Variants in SLFN14 observed in about 807,000 individuals in gnomAD.
SLFN14 encodes the protein protein SLFN14.
SLFN14 carries 47 observed loss-of-function variants against 58.6 expected under a neutral mutation model. The observed-to-expected ratio is 0.80, with a 90% CI of 0.64 to 1.02. The LOEUF is 1.02. Ranked by LOEUF, SLFN14 falls within the 50% of genes least tolerant of loss-of-function variation. The probability of loss-of-function intolerance (pLI) is 0.00; values close to 1 mark genes in which losing one functional copy is unlikely to be tolerated. For synonymous variants in SLFN14, 390 were observed against 387.3 expected (o/e 1.01, Z -0.08); for missense variants, 967 against 1,078.4 (o/e 0.90, Z 1.45).
chr17:35,548,391 C>G lies in SLFN14; in HGVS notation c.2587G>C (p.Asp863His). Residue 863 changes from aspartate to histidine, a missense_variant, in exon 6 of 6, where the codon GAC becomes CAC. Asp to His is a moderately conservative substitution (Grantham distance 81). Coordinates refer to ENST00000674182, the MANE Select transcript of SLFN14 (RefSeq NM_001129820.2). ...TGVWGSHIVL[D>H]SIQQFSGLER... is the part of the protein sequence containing the mutation. ...AGGCCTGAAAATTGCTGAATACTGT[C>G]TAAAACAATGTGACTTCCCCAAACA... is the stretch of plus-strand genomic sequence containing the variant. The G allele has an allele frequency of 6.4e-7, 1 of 1,551,740 alleles. No homozygotes were observed. Among genetic ancestry groups the G allele is most frequent in the South Asian group, 1.2e-5 (1 of 84,048 alleles).
Position 35,557,850 on chromosome 17 carries a change from G to A in SLFN14, c.213C>T (p.Tyr71=). ...AATCCTGTCCCAGCCCATGGCATTG[G>A]TAACTATAGGTTTTATCATCAATCT... The part of the protein sequence containing the change: ...KAEIDDKTYS[Y]QCHGLGQDLE... The change falls in exon 3 of 6, where the codon TAC becomes TAT. Residue 71 remains tyrosine (Y), a synonymous_variant. Coordinates refer to ENST00000674182, the MANE Select transcript of SLFN14 (RefSeq NM_001129820.2). 6.4e-7 allele frequency: 1 copy of A among 1,551,668 alleles called. No individual in the cohort carries two copies. Among genetic ancestry groups the A allele is most frequent in the Non-Finnish European group, 8.7e-7 (1 of 1,146,982 alleles).
Position 35,549,023 on chromosome 17 carries a change from T to G in SLFN14, c.1955A>C (p.Glu652Ala), listed in dbSNP as rs1271600754. The change falls in exon 6 of 6, where the codon GAG (glutamate) becomes GCG (alanine). Residue 652 changes from glutamate (E) to alanine (A), a missense_variant. Glu to Ala is a moderately radical substitution (Grantham distance 107). Coordinates refer to ENST00000674182, the MANE Select transcript of SLFN14 (RefSeq NM_001129820.2). ...CACTATGTGTTTAATCTTTAGAAAC[T>G]CCCCTTGCATGAAAGTTTTCCTGGT... ...AVTRKTFMQG[E>A]FLKIKHIVMD... is the part of the protein sequence containing the mutation. The G allele has an allele frequency of 1.3e-6, 2 of 1,551,526 alleles. No individual in the cohort carries two copies. Among genetic ancestry groups the G allele is most frequent in the African/African-American group, 2.7e-5 (2 of 73,024 alleles).
rs2072559204 is a variant in SLFN14, at chr17:35,548,935, G to C, written c.2043C>G (p.Ile681Met). 3.2e-6 allele frequency: 5 copies of C among 1,551,732 alleles called. No homozygotes were observed. The highest frequency in any genetic ancestry group is 4.4e-6 in the Non-Finnish European group (5 of 1,146,996). The change falls in exon 6 of 6, where the codon ATC (isoleucine) becomes ATG (methionine). Residue 681 changes from isoleucine (I) to methionine (M), a missense_variant. By Grantham distance (10) the Ile-to-Met change is conservative. Transcript: ENST00000674182. Reference protein sequence around the residue: ...YGNWYMKAKNITHPKAKGTGS... With the variant: ...YGNWYMKAKNMTHPKAKGTGS... Reference sequence around the variant, plus strand: ...CAGTCCCCTTCGCCTTTGGATGGGTGATGTTCTTAGCCTTCATGTACCAAT... The same window carrying C: ...CAGTCCCCTTCGCCTTTGGATGGGTCATGTTCTTAGCCTTCATGTACCAAT...
chr17:35,550,815 T>C (rs906089033), intron 5 of SLFN14, among the ~76,000 whole-genome samples: 1 of 152,216 alleles, frequency 6.6e-6, no homozygotes, highest in South Asian at 2.1e-4. Context: ...AAATCAGAAG[T>C]GAATTTGCAT....
Position 35,548,360 on chromosome 17 carries a change from C to A in SLFN14, c.2618G>T (p.Arg873Met). 1 of 1,551,708 alleles carries A rather than the reference C, an allele frequency of 6.4e-7. No homozygotes were observed. The highest frequency in any genetic ancestry group is 8.7e-7 in the Non-Finnish European group (1 of 1,146,994). Residue 873 changes from arginine to methionine, a missense_variant, in exon 6 of 6, where the codon AGG becomes ATG. Arg to Met is a moderately conservative substitution (Grantham distance 91). Transcript: ENST00000674182. ...DSIQQFSGLE[R>M]TVVFGLSPEC... ...TGGACTAAGCCCAAACACGACAGTC[C>A]TCTCCAGGCCTGAAAATTGCTGAAT...
chr17:35,548,435 A>C lies in SLFN14; in HGVS notation c.2543T>G (p.Val848Gly), dbSNP rs1175512296. The C allele has an allele frequency of 3.9e-6, 6 of 1,551,592 alleles. No individual in the cohort carries two copies. Among genetic ancestry groups the C allele is most frequent in the Non-Finnish European group, 4.4e-6 (5 of 1,146,998 alleles). The part of the protein sequence containing the change: ...LIETHRPSEV[V>G]FSPATGVWGS... ...CCAAACACCGGTGGCCGGGCTAAAC[A>C]CAACCTCTGATGGTCTGTGGGTCTC... Residue 848 changes from valine (V) to glycine (G), a missense_variant, in exon 6 of 6, where the codon GTG becomes GGG. Coordinates refer to ENST00000674182, the MANE Select transcript of SLFN14 (RefSeq NM_001129820.2).
At chr17:35,549,402 C>T (rs1162807771) in intron 5 of SLFN14, among the ~76,000 whole-genome samples, 1 of 152,216 alleles carries the variant, frequency 6.6e-6, no homozygotes, top group Admixed American at 6.5e-5. Flanking sequence ...TAAAGGAAAT[C>T]TCAAAGTTAA....
At position 35,556,310 on chromosome 17, in the gene SLFN14, C is replaced by T. The variant is rs529838923; in HGVS notation, c.1060+693G>A. 8.2e-4 allele frequency among the ~76,000 whole-genome samples: 125 copies of T among 152,242 alleles called. 2 individuals are homozygous for T. Among genetic ancestry groups the T allele is most frequent in the African/African-American group, 2.8e-3 (115 of 41,548 alleles). ...ACCTTGGCCTCCCAAAGTGCTAGGA[C>T]TGCGCCCAGCCTCAGAGTTATTCTT... On this transcript the variant is annotated intron_variant, in intron 3 of 5. Coordinates refer to ENST00000674182, the MANE Select transcript of SLFN14 (RefSeq NM_001129820.2).
In SLFN14 at chr17:35,548,034, T is replaced by C; in HGVS notation, c.*205A>G. 5.1e-6 allele frequency: 3 copies of C among 585,758 alleles called. No homozygotes were observed. The highest frequency in any genetic ancestry group is 4.3e-5 in the South Asian group (2 of 46,100). 36.3% of individuals were successfully genotyped at this position (585,758 alleles called of 1,614,324 possible). A position where few individuals can be genotyped will look rare whatever the true frequency, so the allele number is the denominator to read the frequency against. The stretch of plus-strand genomic sequence containing the variant: ...ACTAATGAAGTCTATTGTAATTGTA[T>C]AGGTAGGAGGTGAAGGAAATTGTGA... On this transcript the variant is annotated 3_prime_UTR_variant, in exon 6 of 6. Transcript: ENST00000674182.
chr17:35,550,432 G>C (rs939946301), intron 5 of SLFN14, among the ~76,000 whole-genome samples: 12 of 152,340 alleles, frequency 7.9e-5, no homozygotes, highest in African/African-American at 2.6e-4. Flanking sequence ...TGTAATCCCA[G>C]CTACTCGGGA....
At position 35,553,068 on chromosome 17, in the gene SLFN14, AG is replaced by A; in HGVS notation, c.1565del (p.Pro522LeufsTer38). On this transcript the variant is annotated frameshift_variant, in exon 5 of 6. Coordinates refer to ENST00000674182, the MANE Select transcript of SLFN14 (RefSeq NM_001129820.2). LOFTEE classifies it high-confidence loss of function. ...TGGGGTAACGCAGGGGGATCTCACC[AG>A]GTCTACTCTGTGTGCTGCTCAGGTG... ...LIHLSSTQSRPGEIPLRYPRS... is the reference protein window; with the variant it reads ...LIHLSSTQSRXGEIPLRYPRS... The A allele has an allele frequency of 1.3e-6, 2 of 1,551,658 alleles. No individual in the cohort carries two copies. Among genetic ancestry groups the A allele is most frequent in the Non-Finnish European group, 1.7e-6 (2 of 1,146,982 alleles).
At position 35,558,031 on chromosome 17, in the gene SLFN14, G is replaced by A. The variant is rs1388144264; in HGVS notation, c.32C>T (p.Pro11Leu). ...CACATCTACTATTACCTCAGGATAC[G>A]GCATTTCAGTATCAGTCTTGAGACT... MESLKTDTEM[P>L]YPEVIVDVGR... Residue 11 changes from proline to leucine, a missense_variant, in exon 3 of 6, where the codon CCG becomes CTG. Pro to Leu is a moderately conservative substitution (Grantham distance 98, BLOSUM62 -3). Coordinates refer to ENST00000674182, the MANE Select transcript of SLFN14 (RefSeq NM_001129820.2). 1.5e-5 allele frequency: 24 copies of A among 1,551,106 alleles called. No individual in the cohort carries two copies. The highest frequency in any genetic ancestry group is 1.7e-4 in the Middle Eastern group (1 of 6,012).
intron 2 of SLFN14, among the ~76,000 whole-genome samples, chr17:35,558,964 A>C (rs1400152761): frequency 6.6e-6 from 1 of 152,070 alleles, no homozygotes; most frequent in Non-Finnish European, 1.5e-5. Context: ...TAATCTCAGC[A>C]CTTTGGGAGG....
Position 35,557,637 on chromosome 17 carries a change from A to G in SLFN14, c.426T>C (p.Ser142=), listed in dbSNP as rs189281314. The G allele has an allele frequency of 4.5e-6, 7 of 1,551,668 alleles. No individual in the cohort carries two copies. The South Asian group carries it at 5.9e-5, about 13-fold the overall frequency. The change falls in exon 3 of 6, where the codon AGT becomes AGC. Residue 142 remains serine (S), a synonymous_variant. Transcript: ENST00000674182. The part of the protein sequence containing the change: ...RRDVTSAINL[S]ASSALELLRE... ...TGAGAAGCTCCAGGGCACTGCTAGCACTCAAGTTGATAGCAGAAGTCACAT... is the reference window on the plus strand; with the variant it reads ...TGAGAAGCTCCAGGGCACTGCTAGCGCTCAAGTTGATAGCAGAAGTCACAT...
intron 4 of SLFN14, 167 bp from the exon 5 acceptor site, chr17:35,553,611 A>C: frequency 4.8e-6 from 3 of 620,038 alleles, no homozygotes; most frequent in Non-Finnish European, 5.4e-6. Context: ...ACTCTCCCCC[A>C]TCCCCACGGA....
In SLFN14 at chr17:35,544,975, T is replaced by G. The variant is rs986108799; in HGVS notation, c.*3264A>C. On this transcript the variant is annotated 3_prime_UTR_variant, in exon 6 of 6. Coordinates refer to ENST00000674182, the MANE Select transcript of SLFN14 (RefSeq NM_001129820.2). ...ATCTTAGTTATTTCATTTAGTTAAT[T>G]GCTTTATCCATCATATTAAGACTTT... Among the ~76,000 whole-genome samples, 3 of 152,220 alleles carry G rather than the reference T, an allele frequency of 2.0e-5. No homozygotes were observed. The highest frequency in any genetic ancestry group is 7.2e-5 in the African/African-American group (3 of 41,452).
In SLFN14 at chr17:35,548,797, T is replaced by C. The variant is rs916402026; in HGVS notation, c.2181A>G (p.Thr727=). The C allele has an allele frequency of 7.1e-6, 11 of 1,551,648 alleles. No homozygotes were observed. The African/African-American group carries it at 1.5e-4, about 21-fold the overall frequency. Residue 727 remains threonine (T), a synonymous_variant, in exon 6 of 6, where the codon ACA becomes ACG. Transcript: ENST00000674182. Reference sequence around the variant, plus strand: ...GAGCACAGTGGATCCCACTGGTGATTGTTTTTCGAGGAAACTGAGCAGATG... The same window carrying C: ...GAGCACAGTGGATCCCACTGGTGATCGTTTTTCGAGGAAACTGAGCAGATG... The part of the protein sequence containing the change: ...PPPSAQFPRK[T]ITSGIHCALE...
In SLFN14 at chr17:35,547,985, G is replaced by C. The variant is rs2072547361; in HGVS notation, c.*254C>G. The C allele has an allele frequency of 2.0e-6, 1 of 498,590 alleles. No homozygotes were observed. Among genetic ancestry groups the C allele is most frequent in the Non-Finnish European group, 3.6e-6 (1 of 278,456 alleles). The allele number at this position is 498,590 out of a possible 1,614,324, so 30.9% of individuals were successfully genotyped here. A position where few individuals can be genotyped will look rare whatever the true frequency, so the allele number is the denominator to read the frequency against. On this transcript the variant is annotated 3_prime_UTR_variant, in exon 6 of 6. Coordinates refer to ENST00000674182, the MANE Select transcript of SLFN14 (RefSeq NM_001129820.2). ...TTCTCTGATGGATGACAGCTGGATT[G>C]AGTGGGAAAGCTGGAGACAGGGGAC...
Position 35,548,054 on chromosome 17 carries a change from T to G in SLFN14, c.*185A>C. The G allele has an allele frequency of 1.6e-5, 10 of 619,160 alleles. 1 individual carries two copies. The highest frequency in any genetic ancestry group is 2.5e-5 in the Non-Finnish European group (9 of 357,560). 38.4% of individuals were successfully genotyped at this position (619,160 alleles called of 1,614,324 possible). On this transcript the variant is annotated 3_prime_UTR_variant, in exon 6 of 6. Transcript: ENST00000674182. Reference sequence around the variant, plus strand: ...TTGTATAGGTAGGAGGTGAAGGAAATTGTGAAAAGGCCAGTGGCATTGAAA... The same window carrying G: ...TTGTATAGGTAGGAGGTGAAGGAAAGTGTGAAAAGGCCAGTGGCATTGAAA...
Sources: allele counts gnomAD v4.1 joint callset (sites outside exome capture counted in the v4.1 genomes callset), GRCh38; gene constraint gnomAD v4.1.1; transcripts MANE v1.5; gene names NCBI Gene and HGNC (gene_info 2026-07-23, HGNC 2026-07-21).